CUX1: variants seen among roughly 807,000 people sequenced by gnomAD.
CUX1 encodes cut like homeobox 1.
In CUX1, 31 loss-of-function variants were observed where a neutral mutation model predicts 158.8. The ratio of observed to expected loss-of-function variants is 0.20; its 90% CI spans 0.15 to 0.26. CUX1 has a LOEUF of 0.26. Among genes scored for constraint, CUX1 ranks in the 10% least tolerant of loss-of-function variants. The probability of loss-of-function intolerance (pLI) is 1.00; values close to 1 mark genes in which losing one functional copy is unlikely to be tolerated. For synonymous variants in CUX1, 879 were observed against 862.1 expected (o/e 1.02, Z -0.34); for missense variants, 1,589 against 2,014.6 (o/e 0.79, Z 4.04).
chr7:101,963,135 A>T (rs1254547582), intron 2 of CUX1, among the ~76,000 whole-genome samples: 1 of 151,970 alleles, frequency 6.6e-6, no homozygotes, highest in Non-Finnish European at 1.5e-5. Context: ...GCCACTTGTC[A>T]CCTTTCTCTA....
At position 102,205,031 on chromosome 7, in the gene CUX1, C is replaced by T. The variant is rs991614796; in HGVS notation, c.3074-83C>T. ...CTCCCCAGGAGGAATGGGAAGCCTC[C>T]CCGGGCCTTGCCACATTCAGTTAGG... On this transcript the variant is annotated intron_variant, in intron 19 of 23. Transcript: ENST00000292535. The T allele has an allele frequency of 4.0e-6, 4 of 1,004,524 alleles. No individual in the cohort carries two copies. In the African/African-American group the frequency reaches 6.4e-5, roughly 16 times the overall value. 62.2% of individuals were successfully genotyped at this position (1,004,524 alleles called of 1,614,324 possible).
chr7:102,252,629 C>G lies in CUX1; in HGVS notation c.*3587C>G, dbSNP rs908135049. On this transcript the variant is annotated 3_prime_UTR_variant, in exon 24 of 24. Transcript: ENST00000292535. ...CATTTAGCCTCTTGACCCGGAGTTC[C>G]GGCCCAAGCTCCCTTGTGATAGCCG... is the stretch of plus-strand genomic sequence containing the variant. 2.0e-6 allele frequency: 2 copies of G among 985,302 alleles called. No individual in the cohort carries two copies. Among genetic ancestry groups the G allele is most frequent in the East Asian group, 2.3e-4 (2 of 8,820 alleles). The allele number at this position is 985,302 out of a possible 1,614,324, so 61.0% of individuals were successfully genotyped here. A position where few individuals can be genotyped will look rare whatever the true frequency, so the allele number is the denominator to read the frequency against.
At chr7:102,148,812 C>T (rs907585061) in intron 8 of CUX1, among the ~76,000 whole-genome samples, 1 of 150,720 alleles carries the variant, frequency 6.6e-6, no homozygotes, top group African/African-American at 2.4e-5. Context: ...TACACTGCAC[C>T]CAATATATAG....
chr7:102,035,512 T>C (rs1187382659), intron 3 of CUX1, among the ~76,000 whole-genome samples: 1 of 151,878 alleles, frequency 6.6e-6, no homozygotes, highest in East Asian at 1.9e-4. Flanking sequence ...GAAATCAAAC[T>C]GTCATTTTTC....
At chr7:102,105,176 TACACAC>T (rs3076512) in intron 6 of CUX1, among the ~76,000 whole-genome samples, 2,176 of 144,518 alleles carry the variant, frequency 0.015, 21 homozygotes, top group African/African-American at 0.023. Context: ...TATTTAATAT[TACACAC>T]ACACACACAC....
intron 2 of CUX1, among the ~76,000 whole-genome samples, chr7:101,919,314 T>C (rs1399547193): frequency 6.6e-6 from 1 of 152,090 alleles, no homozygotes; most frequent in Non-Finnish European, 1.5e-5. Flanking sequence ...CACCGTTTGT[T>C]TGGGGTCTCA....
chr7:101,957,681 A>G (rs895210833), intron 2 of CUX1, among the ~76,000 whole-genome samples: 5 of 152,130 alleles, frequency 3.3e-5, no homozygotes, highest in African/African-American at 1.2e-4. Flanking sequence ...AGCTGAGATC[A>G]CGCCACTGCA....
intron 7 of CUX1, among the ~76,000 whole-genome samples, chr7:102,113,941 G>A (rs1233213005): frequency 2.0e-5 from 3 of 152,156 alleles, no homozygotes; most frequent in Non-Finnish European, 2.9e-5. Context: ...TGTTGGTGAC[G>A]GTGAAGTGGC....
chr7:101,967,488 C>T (rs1017974680), intron 2 of CUX1, among the ~76,000 whole-genome samples: 18 of 152,200 alleles, frequency 1.2e-4, no homozygotes, highest in Non-Finnish European at 2.2e-4. Context: ...CCTTTAAAAG[C>T]TTCTTGTCTG....
chr7:102,015,332 A>G (rs1254918372), intron 2 of CUX1, among the ~76,000 whole-genome samples: 2 of 151,856 alleles, frequency 1.3e-5, no homozygotes, highest in Non-Finnish European at 2.9e-5. Context: ...GGTTCACGCA[A>G]TTCTCCTGCC....
chr7:102,035,952 A>C (rs570684816), intron 3 of CUX1, among the ~76,000 whole-genome samples: 56 of 152,080 alleles, frequency 3.7e-4, no homozygotes, highest in African/African-American at 1.3e-3. Flanking sequence ...GCTCACTGCA[A>C]CCTCCACCTC....
chr7:102,269,171 T>C (rs1554545669), intron 14 of CUX1, among the ~76,000 whole-genome samples: 2 of 151,666 alleles, frequency 1.3e-5, no homozygotes, highest in African/African-American at 4.8e-5. Flanking sequence ...GACAGGGTTT[T>C]TCCATGTTAC....
chr7:102,258,892 A>G (rs949826267), downstream of CUX1, among the ~76,000 whole-genome samples: 8 of 152,072 alleles, frequency 5.3e-5, no homozygotes, highest in Non-Finnish European at 8.8e-5. Context: ...CTCTTTCCAG[A>G]TGGCGCTCGG....
chr7:101,882,021 AT>A (rs5886206), intron 1 of CUX1, among the ~76,000 whole-genome samples: 48,338 of 102,874 alleles, frequency 0.47, 9,164 homozygotes, highest in East Asian at 0.76. Context: ...CTACCCAAAA[AT>A]AAAAAAAAAA....
intron 2 of CUX1, among the ~76,000 whole-genome samples, chr7:101,942,284 G>A (rs1437499455): frequency 6.6e-6 from 1 of 152,188 alleles, no homozygotes; most frequent in African/African-American, 2.4e-5. Flanking sequence ...GACACATTGG[G>A]TCATAGGTTT....
At chr7:102,174,268 G>T (rs145425166) in intron 10 of CUX1, among the ~76,000 whole-genome samples, 1 of 152,098 alleles carries the variant, frequency 6.6e-6, no homozygotes, top group Non-Finnish European at 1.5e-5. Context: ...ACAGGTGTGC[G>T]CCACCATACC....
intron 8 of CUX1, among the ~76,000 whole-genome samples, chr7:102,130,739 A>C (rs1363553559): frequency 6.6e-6 from 1 of 152,184 alleles, no homozygotes; most frequent in Non-Finnish European, 1.5e-5. Context: ...GAAGCACAAA[A>C]GCACAGCTTA....
rs782113342 is a variant in CUX1 at position 102,256,268 on chromosome 7, A to T, written c.*7226A>T. ...TGTTGAAATGGACTGACTGCTACTG[A>T]CCTGCCGGCGTGCGTGAGGGTGATT... On this transcript the variant is annotated 3_prime_UTR_variant, in exon 24 of 24. Coordinates refer to ENST00000292535, the MANE Select transcript of CUX1 (RefSeq NM_181552.4). 4.3e-5 allele frequency: 42 copies of T among 985,352 alleles called. No individual in the cohort carries two copies. The highest frequency in any genetic ancestry group is 4.9e-5 in the Non-Finnish European group (41 of 829,920). The allele number at this position is 985,352 out of a possible 1,614,324, so 61.0% of individuals were successfully genotyped here. A position where few individuals can be genotyped will look rare whatever the true frequency, so the allele number is the denominator to read the frequency against.
intron 12 of CUX1, among the ~76,000 whole-genome samples, chr7:102,191,085 G>C (rs1794221928): frequency 6.6e-6 from 1 of 152,054 alleles, no homozygotes. Context: ...CCTGGCGTCT[G>C]CTGGCCCTGG....
Sources: allele counts gnomAD v4.1 joint callset (sites outside exome capture counted in the v4.1 genomes callset), GRCh38; gene constraint gnomAD v4.1.1; transcripts MANE v1.5; gene names NCBI Gene and HGNC (gene_info 2026-07-23, HGNC 2026-07-21).